EPAS1: variants seen among roughly 807,000 people sequenced by gnomAD.
The protein encoded by EPAS1 is endothelial PAS domain-containing protein 1.
EPAS1 carries 23 observed loss-of-function variants against 87.9 expected under a neutral mutation model. The observed-to-expected ratio is 0.26, with a 90% CI of 0.19 to 0.37. EPAS1 has a LOEUF of 0.37. EPAS1 is among the 10% of genes least tolerant of loss of function. The pLI is 1.00. For synonymous variants in EPAS1, 508 were observed against 444.3 expected (o/e 1.14, Z -1.80); for missense variants, 1,138 against 1,120.7 (o/e 1.02, Z -0.22).
At chr2:46,317,474 G>A (rs149466233) in intron 1 of EPAS1, among the ~76,000 whole-genome samples, 63 of 152,244 alleles carry the variant, frequency 4.1e-4, no homozygotes, top group African/African-American at 1.4e-3. Flanking sequence ...CATTGACAAC[G>A]AGCACATAAA....
intron 1 of EPAS1, among the ~76,000 whole-genome samples, chr2:46,344,118 C>T (rs1407503548): frequency 6.6e-6 from 1 of 152,166 alleles, no homozygotes; most frequent in African/African-American, 2.4e-5. Flanking sequence ...GTAAACAATA[C>T]CTACTTTATT....
intron 1 of EPAS1, among the ~76,000 whole-genome samples, chr2:46,333,249 T>A (rs1396079689): frequency 1.3e-5 from 2 of 152,214 alleles, no homozygotes; most frequent in Admixed American, 1.3e-4. Context: ...CAGCTCACCA[T>A]ACCATAACTG....
chr2:46,315,751 C>T (rs548080620), intron 1 of EPAS1, among the ~76,000 whole-genome samples: 55 of 152,356 alleles, frequency 3.6e-4, no homozygotes, highest in East Asian at 5.8e-4. Flanking sequence ...GATCTGCAAA[C>T]GTCACCCAGG....
intron 1 of EPAS1, among the ~76,000 whole-genome samples, chr2:46,299,894 C>A (rs1682962521): frequency 6.6e-6 from 1 of 152,332 alleles, no homozygotes; most frequent in Admixed American, 6.5e-5. Flanking sequence ...TTGGCGAGAG[C>A]GGCCGCTTTA....
chr2:46,383,699 CAA>C (rs1684951606), intron 15 of EPAS1, among the ~76,000 whole-genome samples: 1 of 152,286 alleles, frequency 6.6e-6, no homozygotes, highest in South Asian at 2.1e-4. Context: ...ATATTCTTTT[CAA>C]AAGAGTTGAA....
intron 7 of EPAS1, among the ~76,000 whole-genome samples, chr2:46,372,373 A>C (rs1270119160): frequency 6.6e-6 from 1 of 152,216 alleles, no homozygotes; most frequent in Non-Finnish European, 1.5e-5. Context: ...CACATGCTCT[A>C]GACTAACTGG....
rs947794747 is a variant in EPAS1 at position 46,297,699 on chromosome 2, G to T, written c.-213G>T. ...CCCCGGACCCCGCCTCCGCGCGCAG[G>T]TTCCTCCCAGTCACCTTTCTCCACC... is the stretch of plus-strand genomic sequence containing the variant. On this transcript the variant is annotated 5_prime_UTR_variant, in exon 1 of 16. Coordinates refer to ENST00000263734, the MANE Select transcript of EPAS1 (RefSeq NM_001430.5). 1 of 583,876 alleles carries T rather than the reference G, an allele frequency of 1.7e-6. No homozygotes were observed. The highest frequency in any genetic ancestry group is 3.0e-6 in the Non-Finnish European group (1 of 333,448). 36.2% of individuals were successfully genotyped at this position (583,876 alleles called of 1,614,324 possible).
intron 1 of EPAS1, among the ~76,000 whole-genome samples, chr2:46,302,969 A>T (rs547784645): frequency 6.6e-6 from 1 of 152,244 alleles, no homozygotes; most frequent in South Asian, 2.1e-4. Context: ...GCTACTCAAG[A>T]GGCTGAGGCA....
intron 1 of EPAS1, among the ~76,000 whole-genome samples, chr2:46,308,474 CT>C (rs1179967975): frequency 8.8e-5 from 12 of 135,676 alleles, no homozygotes; most frequent in Non-Finnish European, 1.4e-4. Flanking sequence ...GGGGGGGGCT[CT>C]GAAATCATGC....
Position 46,386,344 on chromosome 2 carries a change from A to AATT in EPAS1, c.*1685_*1687dup, listed in dbSNP as rs1194462253. On this transcript the variant is annotated 3_prime_UTR_variant, in exon 16 of 16. Transcript: ENST00000263734. ...AAAACAAAAAATAGCTTTCAAAAGA[A>AATT]ATTTAAGTTCTATGAGAAATTCCTT... The AATT allele has an allele frequency of 6.6e-6, 1 of 152,620 alleles. No individual in the cohort carries two copies. The highest frequency in any genetic ancestry group is 2.4e-5 in the African/African-American group (1 of 41,448). 9.5% of individuals were successfully genotyped at this position (152,620 alleles called of 1,614,324 possible).
chr2:46,371,945 A>T lies in EPAS1; in HGVS notation c.886+2012A>T, dbSNP rs980373704. 6.6e-6 allele frequency among the ~76,000 whole-genome samples: 1 copy of T among 152,198 alleles called. No homozygotes were observed. On this transcript the variant is annotated intron_variant, in intron 7 of 15. Transcript: ENST00000263734. This position sits in a 1 kb window ranked among gnomAD's most constrained non-coding sequence, Gnocchi z 4.3. Reference sequence around the variant, plus strand: ...AAGAAGCTACTGTCAAAGGAAAAAAAAATTGTGACTTCTGACTAGGCATAT... The same window carrying T: ...AAGAAGCTACTGTCAAAGGAAAAAATAATTGTGACTTCTGACTAGGCATAT...
intron 1 of EPAS1, among the ~76,000 whole-genome samples, chr2:46,317,228 C>A (rs972474707): frequency 6.6e-6 from 1 of 152,218 alleles, no homozygotes; most frequent in Admixed American, 6.5e-5. Context: ...ATTACAAATG[C>A]TGTTAATGGT....
intron 1 of EPAS1, among the ~76,000 whole-genome samples, chr2:46,315,815 C>A (rs1683304259): frequency 6.6e-6 from 1 of 152,216 alleles, no homozygotes; most frequent in South Asian, 2.1e-4. Flanking sequence ...CCCTCAAATT[C>A]TTTGGAAGAT....
At position 46,374,530 on chromosome 2, in the gene EPAS1, TTAC is replaced by T. The variant is rs1052714605; in HGVS notation, c.887-1154_887-1152del. Among the ~76,000 whole-genome samples the T allele has an allele frequency of 1.7e-4, 26 of 152,266 alleles. No individual in the cohort carries two copies. The South Asian group carries it at 2.7e-3, about 16-fold the overall frequency. On this transcript the variant is annotated intron_variant, in intron 7 of 15. Coordinates refer to ENST00000263734, the MANE Select transcript of EPAS1 (RefSeq NM_001430.5). ...TAGCTAATGATGACAGTTATTACCG[TTAC>T]TACTATTATTATCAATATCCTGTTT...
At chr2:46,366,587 A>G (rs1684506214) in intron 6 of EPAS1, among the ~76,000 whole-genome samples, 1 of 152,122 alleles carries the variant, frequency 6.6e-6, no homozygotes, top group Non-Finnish European at 1.5e-5. Flanking sequence ...TATGTTTGAA[A>G]TCTGGTGAAT....
rs1449999244 is a variant in EPAS1, at chr2:46,371,670, C to T, written c.886+1737C>T. Among the ~76,000 whole-genome samples the T allele has an allele frequency of 6.6e-6, 1 of 152,160 alleles. No homozygotes were observed. Among genetic ancestry groups the T allele is most frequent in the Non-Finnish European group, 1.5e-5 (1 of 68,040 alleles). On this transcript the variant is annotated intron_variant, in intron 7 of 15. Transcript: ENST00000263734. This position sits in a 1 kb window ranked among gnomAD's most constrained non-coding sequence, Gnocchi z 4.3. Reference sequence around the variant, plus strand: ...CATGCTTCCTGGTCCCTGAGGGGTTCCTGTTTTCAAAGGCAGGTGACAGAA... The same window carrying T: ...CATGCTTCCTGGTCCCTGAGGGGTTTCTGTTTTCAAAGGCAGGTGACAGAA...
intron 1 of EPAS1, among the ~76,000 whole-genome samples, chr2:46,342,742 G>T (rs375327506): frequency 6.6e-6 from 1 of 152,138 alleles, no homozygotes; most frequent in Non-Finnish European, 1.5e-5. Flanking sequence ...AGCCATGCTC[G>T]GAGCAATGAC....
At chr2:46,317,490 G>A (rs1215131334) in intron 1 of EPAS1, among the ~76,000 whole-genome samples, 1 of 152,184 alleles carries the variant, frequency 6.6e-6, no homozygotes, top group Non-Finnish European at 1.5e-5. Context: ...ATAAACATAT[G>A]TGCTGTCATC....
chr2:46,381,881 G>A, intron 13 of EPAS1, 94 bp from the exon 14 acceptor site: 1 of 1,531,164 alleles, frequency 6.5e-7, no homozygotes, highest in Admixed American at 1.9e-5. Context: ...AAGCCAGCAA[G>A]TGCCAGCCCT....
Sources: allele counts gnomAD v4.1 joint callset (sites outside exome capture counted in the v4.1 genomes callset), GRCh38; gene constraint gnomAD v4.1.1; non-coding constraint Gnocchi (gnomAD v3.1); transcripts MANE v1.5; gene names NCBI Gene and HGNC (gene_info 2026-07-23, HGNC 2026-07-21).